Variants in TBC1D5 observed in about 807,000 individuals in gnomAD.
The protein encoded by TBC1D5 is TBC1 domain family, member 5.
In TBC1D5, 75 loss-of-function variants were observed where a neutral mutation model predicts 100.3. That is an observed-to-expected ratio of 0.75 (90% confidence interval 0.62 to 0.91). TBC1D5 has a LOEUF of 0.91. Among genes scored for constraint, TBC1D5 ranks in the 40% least tolerant of loss-of-function variants. The probability of loss-of-function intolerance (pLI) is 0.00; values close to 1 mark genes in which losing one functional copy is unlikely to be tolerated. For synonymous variants in TBC1D5, 323 were observed against 325.6 expected (o/e 0.99, Z 0.09); for missense variants, 910 against 942.4 (o/e 0.97, Z 0.45).
rs574092692 is a variant in TBC1D5, at chr3:17,310,997, T to C, written c.996-2863A>G. On this transcript the variant is annotated intron_variant, in intron 13 of 21. Coordinates refer to ENST00000253692, the Ensembl canonical transcript of TBC1D5. ...ACAAATTTCCTGTGCTATTTTGGGC[T>C]TTCTTCATTGAGCTTAAAAGCCAAG... Among the ~76,000 whole-genome samples the C allele has an allele frequency of 6.5e-4, 99 of 152,152 alleles. 1 individual carries two copies. Among genetic ancestry groups the C allele is most frequent in the African/African-American group, 2.2e-3 (93 of 41,566 alleles).
intron 2 of TBC1D5, among the ~76,000 whole-genome samples, chr3:17,555,484 G>A (rs1288709918): frequency 1.3e-5 from 2 of 152,198 alleles, no homozygotes; most frequent in Admixed American, 1.3e-4. Context: ...AGCTGAAAGA[G>A]TTAAGTGGTC....
chr3:17,607,797 G>GTTTTCTGTTATACTAGAA (rs1356392038), intron 2 of TBC1D5, among the ~76,000 whole-genome samples: 1 of 152,064 alleles, frequency 6.6e-6, no homozygotes, highest in Non-Finnish European at 1.5e-5. Flanking sequence ...GTTTACTAGA[G>GTTTTCTGTTATACTAGAA]GTTTTCTGTT....
intron 18 of TBC1D5, among the ~76,000 whole-genome samples, chr3:17,212,900 T>C (rs1333413823): frequency 6.6e-6 from 1 of 152,202 alleles, no homozygotes; most frequent in East Asian, 1.9e-4. Flanking sequence ...GTAAGATTAA[T>C]TTATTTTGAA....
At chr3:17,234,873 T>C (rs991745149) in intron 17 of TBC1D5, among the ~76,000 whole-genome samples, 1 of 152,134 alleles carries the variant, frequency 6.6e-6, no homozygotes, top group Non-Finnish European at 1.5e-5. Context: ...TATACCATCA[T>C]CATCAATTAA....
intron 21 of TBC1D5, among the ~76,000 whole-genome samples, chr3:17,163,160 G>T (rs1275261366): frequency 1.3e-5 from 2 of 152,084 alleles, no homozygotes; most frequent in Non-Finnish European, 2.9e-5. Context: ...TAGTTATCTG[G>T]CATGCTTCCC....
Position 17,579,181 on chromosome 3 carries a change from C to T in TBC1D5, c.-36+44668G>A, listed in dbSNP as rs868410916. 2.6e-5 allele frequency among the ~76,000 whole-genome samples: 4 copies of T among 151,908 alleles called. No individual in the cohort carries two copies. In the South Asian group the frequency reaches 6.2e-4, roughly 24 times the overall value. ...AAATTAAAAAGTTTTTTTTAATTCCCTTTAAATGGGTCAGTTGTTCACACT... is the reference window on the plus strand; with the variant it reads ...AAATTAAAAAGTTTTTTTTAATTCCTTTTAAATGGGTCAGTTGTTCACACT... On this transcript the variant is annotated intron_variant, in intron 2 of 21. Coordinates refer to ENST00000253692, the Ensembl canonical transcript of TBC1D5.
At chr3:17,182,869 G>GT (rs949770793) in intron 19 of TBC1D5, among the ~76,000 whole-genome samples, 24 of 151,078 alleles carry the variant, frequency 1.6e-4, no homozygotes, top group African/African-American at 5.6e-4. Flanking sequence ...AATGAGTTGT[G>GT]TTTTTTTTTA....
chr3:17,442,503 AT>A (rs1183006384), intron 3 of TBC1D5, among the ~76,000 whole-genome samples: 1 of 152,240 alleles, frequency 6.6e-6, no homozygotes, highest in Admixed American at 6.5e-5. Flanking sequence ...GGCAAATGTT[AT>A]GATAAAACCA....
chr3:17,429,526 T>C (rs997627581), intron 3 of TBC1D5, among the ~76,000 whole-genome samples: 2 of 151,892 alleles, frequency 1.3e-5, no homozygotes, highest in Non-Finnish European at 2.9e-5. Context: ...ATAACAATGA[T>C]TTAATCCAAT....
chr3:17,164,480 A>G (rs2066397558), intron 21 of TBC1D5, among the ~76,000 whole-genome samples: 1 of 152,220 alleles, frequency 6.6e-6, no homozygotes, highest in African/African-American at 2.4e-5. Flanking sequence ...CTGGCCCTCC[A>G]TAACTGGGAG....
At chr3:17,231,173 G>A (rs188788292) in intron 17 of TBC1D5, among the ~76,000 whole-genome samples, 1 of 152,198 alleles carries the variant, frequency 6.6e-6, no homozygotes, top group East Asian at 1.9e-4. Flanking sequence ...GTGTACCTGT[G>A]TTTAAAGCTT....
In TBC1D5 at chr3:17,226,208, T is replaced by C. The variant is rs1377252628; in HGVS notation, c.1589-11838A>G. ...CACACTGGGGTAAATGGATGTGGGC[T>C]CATCCAGGCTTCCCCTGGACAGCTC... On this transcript the variant is annotated intron_variant, in intron 17 of 21. Transcript: ENST00000253692. 3.3e-5 allele frequency among the ~76,000 whole-genome samples: 5 copies of C among 150,924 alleles called. No homozygotes were observed. The South Asian group carries it at 1.1e-3, about 32-fold the overall frequency.
rs143305104 is a variant in TBC1D5, at chr3:17,396,511, T to C, written c.509+6670A>G. On this transcript the variant is annotated intron_variant, in intron 8 of 21. Coordinates refer to ENST00000253692, the Ensembl canonical transcript of TBC1D5. ...TTTAGGACATCTTAACTTTGTAAAG[T>C]GTGACATCAATGGACCAAATTACTG... Among the ~76,000 whole-genome samples the C allele has an allele frequency of 7.2e-5, 11 of 152,020 alleles. No homozygotes were observed. The East Asian group carries it at 1.9e-3, about 27-fold the overall frequency.
chr3:17,706,033 C>T, intron 1 of TBC1D5: 2 of 1,559,166 alleles, frequency 1.3e-6, no homozygotes, highest in Non-Finnish European at 1.7e-6. Context: ...TGGACTTACA[C>T]CATGTTCTTT....
At chr3:17,191,995 G>C (rs1442499198) in intron 18 of TBC1D5, among the ~76,000 whole-genome samples, 1 of 151,832 alleles carries the variant, frequency 6.6e-6, no homozygotes. Flanking sequence ...TGGGAAAACA[G>C]GTTACAAAGT....
chr3:17,593,664 C>T (rs1400960708), intron 2 of TBC1D5, among the ~76,000 whole-genome samples: 2 of 152,176 alleles, frequency 1.3e-5, no homozygotes, highest in Non-Finnish European at 2.9e-5. Flanking sequence ...GTATTCCACA[C>T]AGCACCCTCT....
intron 1 of TBC1D5, among the ~76,000 whole-genome samples, chr3:17,707,685 C>T (rs4566567): frequency 0.57 from 86,872 of 151,956 alleles, 25,640 homozygotes; most frequent in East Asian, 0.99. Context: ...ACTTAATGGT[C>T]AATGCCAGTC....
At chr3:17,392,231 A>G (rs993618408) in intron 8 of TBC1D5, among the ~76,000 whole-genome samples, 1 of 151,992 alleles carries the variant, frequency 6.6e-6, no homozygotes, top group African/African-American at 2.4e-5. Flanking sequence ...TTATTTTTTT[A>G]GTGATGGCAT....
intron 2 of TBC1D5, among the ~76,000 whole-genome samples, chr3:17,515,195 A>G (rs554611694): frequency 3.9e-5 from 6 of 152,158 alleles, no homozygotes; most frequent in African/African-American, 1.4e-4. Context: ...GTCCAAAAAA[A>G]CCAATGAACA....
Sources: gnomAD v4.1 joint callset for allele counts (sites outside exome capture counted in the v4.1 genomes callset) on GRCh38, gnomAD v4.1.1 for gene constraint, MANE v1.5 for transcripts, NCBI Gene and HGNC (gene_info 2026-07-23, HGNC 2026-07-21) for gene names.